The following GPR63 variants were observed in gnomAD, a reference collection of about 807,000 sequenced individuals.
GPR63 encodes the protein probable G protein-coupled receptor 63.
A neutral mutation model predicts 23.1 loss-of-function variants in GPR63; 12 were observed. The ratio of observed to expected loss-of-function variants is 0.52; its 90% CI spans 0.33 to 0.84. The LOEUF (loss-of-function observed/expected upper bound fraction) is 0.84, where lower values mean the gene tolerates loss of function less well. Ranked by LOEUF, GPR63 falls within the 40% of genes least tolerant of loss-of-function variation. The probability of loss-of-function intolerance (pLI) is 0.02; values close to 1 mark genes in which losing one functional copy is unlikely to be tolerated. For synonymous variants in GPR63, 172 were observed against 191.1 expected (o/e 0.90, Z 0.82); for missense variants, 472 against 515.6 (o/e 0.92, Z 0.82).
intron 1 of GPR63, among the ~76,000 whole-genome samples, chr6:96,818,426 G>A (rs1398463730): frequency 6.6e-6 from 1 of 151,858 alleles, no homozygotes; most frequent in Non-Finnish European, 1.5e-5. Context: ...TCGCAGCACT[G>A]TACTCCAGCC....
rs372898809 is a variant in GPR63, at chr6:96,798,954, A to G, written c.778T>C (p.Tyr260His). The G allele has an allele frequency of 5.0e-6, 8 of 1,614,048 alleles. No individual in the cohort carries two copies. The highest frequency in any genetic ancestry group is 6.8e-6 in the Non-Finnish European group (8 of 1,180,032). The change falls in exon 2 of 2, where the codon TAC becomes CAC. Residue 260 changes from tyrosine (Y) to histidine (H), a missense_variant. Transcript: ENST00000229955. ...SFFIPFLVILYSFMGILNTLR... is the reference protein window; with the variant it reads ...SFFIPFLVILHSFMGILNTLR... The stretch of plus-strand genomic sequence containing the variant: ...GTGTTGAGTATGCCCATAAATGAGT[A>G]CAGTATTACCAGGAAGGGTATGAAG...
At chr6:96,830,204 G>A (rs1173050322) in intron 1 of GPR63, among the ~76,000 whole-genome samples, 1 of 152,164 alleles carries the variant, frequency 6.6e-6, no homozygotes, top group African/African-American at 2.4e-5. Flanking sequence ...GTAAGTCCAT[G>A]AGTATTCAAT....
intron 1 of GPR63, among the ~76,000 whole-genome samples, chr6:96,820,147 GT>G (rs1160808010): frequency 1.4e-5 from 1 of 71,486 alleles, no homozygotes; most frequent in Non-Finnish European, 2.8e-5. Context: ...ATAAATATAT[GT>G]TAATATTTGC....
At chr6:96,815,009 A>G (rs1774128249) in intron 1 of GPR63, among the ~76,000 whole-genome samples, 2 of 152,262 alleles carry the variant, frequency 1.3e-5, no homozygotes, top group Admixed American at 1.3e-4. Context: ...AAATCCAAAC[A>G]CTATGGATAA....
At chr6:96,802,466 T>A (rs1773789077) in intron 1 of GPR63, among the ~76,000 whole-genome samples, 1 of 151,806 alleles carries the variant, frequency 6.6e-6, no homozygotes, top group Non-Finnish European at 1.5e-5. Flanking sequence ...AGGGATTTTT[T>A]AAACAAAGTA....
chr6:96,810,360 G>A (rs746474627), intron 1 of GPR63, among the ~76,000 whole-genome samples: 1 of 152,070 alleles, frequency 6.6e-6, no homozygotes, highest in Non-Finnish European at 1.5e-5. Flanking sequence ...GCTGGGTGTG[G>A]TGGCGTGTGC....
rs850433 is a variant in GPR63 at position 96,797,328 on chromosome 6, T to C, written c.*1144A>G. The C allele has an allele frequency of 6.6e-6, 1 of 152,226 alleles. No homozygotes were observed. The highest frequency in any genetic ancestry group is 2.4e-5 in the African/African-American group (1 of 41,448). The allele number at this position is 152,226 out of a possible 1,614,324, so 9.4% of individuals were successfully genotyped here. A position where few individuals can be genotyped will look rare whatever the true frequency, so the allele number is the denominator to read the frequency against. On this transcript the variant is annotated 3_prime_UTR_variant, in exon 2 of 2. Coordinates refer to ENST00000229955, the MANE Select transcript of GPR63 (RefSeq NM_030784.4). ...CTTTTGGTAGTTAGAAAATAAAGGC[T>C]AATTTTTAAAAAGAATATCATAGTC...
rs1774759002 is a variant in GPR63, at chr6:96,837,271, A to G, written c.-154T>C. 1 of 152,168 alleles carries G rather than the reference A, an allele frequency of 6.6e-6. No individual in the cohort carries two copies. Among genetic ancestry groups the G allele is most frequent in the Admixed American group, 6.5e-5 (1 of 15,286 alleles). 9.4% of individuals were successfully genotyped at this position (152,168 alleles called of 1,614,324 possible). On this transcript the variant is annotated 5_prime_UTR_variant, in exon 1 of 2. It removes the in-frame stop codon of an upstream open reading frame in the 5' UTR. Coordinates refer to ENST00000229955, the MANE Select transcript of GPR63 (RefSeq NM_030784.4). ...GGGATCCCGAGCCTCACCTCACCTCAAGCGAAGGGCAGCGCGCGGGCGCCC... is the reference window on the plus strand; with the variant it reads ...GGGATCCCGAGCCTCACCTCACCTCGAGCGAAGGGCAGCGCGCGGGCGCCC...
At chr6:96,832,771 T>C (rs995147436) in intron 1 of GPR63, among the ~76,000 whole-genome samples, 9 of 150,194 alleles carry the variant, frequency 6.0e-5, no homozygotes, top group Admixed American at 4.7e-4. Flanking sequence ...CCTGCACTTA[T>C]ACCCCTGAAC....
At chr6:96,801,208 T>A (rs1465472054) in intron 1 of GPR63, among the ~76,000 whole-genome samples, 2 of 133,000 alleles carry the variant, frequency 1.5e-5, no homozygotes, top group East Asian at 4.2e-4. Flanking sequence ...AATCAGTCAT[T>A]GATTTTTTTT....
At chr6:96,831,915 AT>A (rs1391515003) in intron 1 of GPR63, among the ~76,000 whole-genome samples, 16 of 152,066 alleles carry the variant, frequency 1.1e-4, no homozygotes, top group African/African-American at 2.9e-4. Context: ...CAAAAAAAAA[AT>A]AAAAAATAAA....
intron 1 of GPR63, among the ~76,000 whole-genome samples, chr6:96,829,518 C>T (rs999777802): frequency 6.6e-6 from 1 of 151,728 alleles, no homozygotes; most frequent in African/African-American, 2.4e-5. Flanking sequence ...CACAGTGAGA[C>T]TTCATCTCTA....
intron 1 of GPR63, among the ~76,000 whole-genome samples, chr6:96,804,957 C>T (rs958270031): frequency 3.3e-5 from 5 of 152,072 alleles, no homozygotes; most frequent in Non-Finnish European, 7.4e-5. Flanking sequence ...AAATAACTTA[C>T]ATATTTATTC....
intron 1 of GPR63, among the ~76,000 whole-genome samples, chr6:96,831,751 C>T (rs1447499540): frequency 6.6e-6 from 1 of 151,568 alleles, no homozygotes; most frequent in Non-Finnish European, 1.5e-5. Flanking sequence ...ACGAAAAATA[C>T]AAAAATTAGC....
At chr6:96,807,429 C>T (rs1773924610) in intron 1 of GPR63, among the ~76,000 whole-genome samples, 3 of 152,320 alleles carry the variant, frequency 2.0e-5, no homozygotes, top group Admixed American at 1.3e-4. Flanking sequence ...TACTTGGTGA[C>T]GAGTGGATTA....
chr6:96,801,210 A>AT (rs35755439), intron 1 of GPR63, among the ~76,000 whole-genome samples: 17,393 of 143,932 alleles, frequency 0.12, 1,125 homozygotes, highest in African/African-American at 0.17. Flanking sequence ...TCAGTCATTG[A>AT]TTTTTTTTTT....
intron 1 of GPR63, among the ~76,000 whole-genome samples, chr6:96,821,090 G>A (rs188145506): frequency 6.6e-6 from 1 of 152,272 alleles, no homozygotes; most frequent in Admixed American, 6.5e-5. Context: ...TACAAACTGT[G>A]TGTCACTGGG....
intron 1 of GPR63, among the ~76,000 whole-genome samples, chr6:96,815,305 T>C (rs896569548): frequency 1.3e-5 from 2 of 152,222 alleles, no homozygotes; most frequent in African/African-American, 4.8e-5. Context: ...TTTGCATGGA[T>C]GTGAGAAAGA....
At chr6:96,828,372 C>T (rs562966787) in intron 1 of GPR63, among the ~76,000 whole-genome samples, 25 of 151,914 alleles carry the variant, frequency 1.6e-4, no homozygotes, top group Non-Finnish European at 3.5e-4. Flanking sequence ...GGCCCTATCT[C>T]CAAATATAGT....
Sources: allele counts gnomAD v4.1 joint callset (sites outside exome capture counted in the v4.1 genomes callset), GRCh38; gene constraint gnomAD v4.1.1; transcripts MANE v1.5; gene names NCBI Gene and HGNC (gene_info 2026-07-23, HGNC 2026-07-21).